Variants in KIRREL3 observed in about 807,000 individuals in gnomAD.
The protein encoded by KIRREL3 is kirre like nephrin family adhesion molecule 3.
In KIRREL3, 36 loss-of-function variants were observed where a neutral mutation model predicts 89.7. That is an observed-to-expected ratio of 0.40 (90% CI 0.31 to 0.53). KIRREL3 has a LOEUF of 0.53. Ranked by LOEUF, KIRREL3 falls within the 20% of genes least tolerant of loss-of-function variation. The pLI, the probability that KIRREL3 is intolerant of heterozygous loss-of-function variation, is 0.49. For missense variants in KIRREL3, 864 were observed against 1,056.6 expected, an observed-to-expected ratio of 0.82 and a Z score of 2.53; for synonymous variants, 445 against 441.4, an observed-to-expected ratio of 1.01 and a Z score of -0.10.
intron 1 of KIRREL3, among the ~76,000 whole-genome samples, chr11:126,803,405 T>C: frequency 6.6e-6 from 1 of 152,292 alleles, no homozygotes; most frequent in Non-Finnish European, 1.5e-5. Context: ...CCTAGTCGCA[T>C]GAGGACTGGG....
intron 2 of KIRREL3, among the ~76,000 whole-genome samples, chr11:126,529,126 C>T (rs964213488): frequency 9.2e-5 from 14 of 152,116 alleles, no homozygotes; most frequent in African/African-American, 3.1e-4. Flanking sequence ...GTAACCGTCC[C>T]GGTCTCTCCC....
chr11:126,667,530 G>A (rs1945718635), intron 1 of KIRREL3, among the ~76,000 whole-genome samples: 1 of 152,200 alleles, frequency 6.6e-6, no homozygotes, highest in Non-Finnish European at 1.5e-5. Context: ...AGAATAGGGA[G>A]AGAAGGGCTG....
chr11:126,544,780 G>A lies in KIRREL3; in HGVS notation c.133+18055C>T, dbSNP rs768967523. Reference sequence around the variant, plus strand: ...AAGCCCTTTCTTCTCTTGCAAGTCCGTTGCTGCCTGGGAAGCAGCCATTCC... The same window carrying A: ...AAGCCCTTTCTTCTCTTGCAAGTCCATTGCTGCCTGGGAAGCAGCCATTCC... On this transcript the variant is annotated intron_variant, in intron 2 of 16. Coordinates refer to ENST00000525144, the MANE Select transcript of KIRREL3 (RefSeq NM_032531.4). The surrounding 1 kb of genome is among the most constrained non-coding windows in gnomAD (Gnocchi z 5.6). Among the ~76,000 whole-genome samples, 15 of 152,272 alleles carry A rather than the reference G, an allele frequency of 9.9e-5. No individual in the cohort carries two copies. The highest frequency in any genetic ancestry group is 2.4e-4 in the African/African-American group (10 of 41,556).
chr11:126,641,287 G>A lies in KIRREL3; in HGVS notation c.56-78375C>T, dbSNP rs958562365. Among the ~76,000 whole-genome samples, 4 of 151,736 alleles carry A rather than the reference G, an allele frequency of 2.6e-5. No homozygotes were observed. The highest frequency in any genetic ancestry group is 2.1e-4 in the South Asian group (1 of 4,814). On this transcript the variant is annotated intron_variant, in intron 1 of 16. Coordinates refer to ENST00000525144, the MANE Select transcript of KIRREL3 (RefSeq NM_032531.4). This position sits in a 1 kb window ranked among gnomAD's most constrained non-coding sequence, Gnocchi z 5.0. Reference sequence around the variant, plus strand: ...ACTTCCTCTGCTACTTTCTTGGCCCGAGCCTCATCACTTGTTGCTCAGATG... The same window carrying A: ...ACTTCCTCTGCTACTTTCTTGGCCCAAGCCTCATCACTTGTTGCTCAGATG...
intron 1 of KIRREL3, among the ~76,000 whole-genome samples, chr11:126,794,313 A>C (rs989345008): frequency 6.6e-6 from 1 of 152,194 alleles, no homozygotes; most frequent in Non-Finnish European, 1.5e-5. Context: ...TTCCCTGCAC[A>C]GTATTTTCTG....
intron 1 of KIRREL3, among the ~76,000 whole-genome samples, chr11:126,589,084 T>C (rs1942012750): frequency 6.6e-6 from 1 of 152,242 alleles, no homozygotes; most frequent in South Asian, 2.1e-4. Context: ...TCCAGCAACC[T>C]GAGGAAATGC....
At position 126,782,519 on chromosome 11, in the gene KIRREL3, T is replaced by A. The variant is rs1287181464; in HGVS notation, c.55+217936A>T. Among the ~76,000 whole-genome samples, 1 of 152,210 alleles carries A rather than the reference T, an allele frequency of 6.6e-6. No individual in the cohort carries two copies. The highest frequency in any genetic ancestry group is 1.5e-5 in the Non-Finnish European group (1 of 68,044). On this transcript the variant is annotated intron_variant, in intron 1 of 16. Transcript: ENST00000525144. This position sits in a 1 kb window ranked among gnomAD's most constrained non-coding sequence, Gnocchi z 4.1. ...GGGTGCCACTAGCTGATTTAGCGAC[T>A]TTTGTATTAATTCAGAAAAGAAATT...
chr11:126,912,412 C>A lies in KIRREL3; in HGVS notation c.55+88043G>T, dbSNP rs1946861256. Among the ~76,000 whole-genome samples the A allele has an allele frequency of 6.6e-6, 1 of 152,178 alleles. No individual in the cohort carries two copies. Among genetic ancestry groups the A allele is most frequent in the African/African-American group, 2.4e-5 (1 of 41,434 alleles). On this transcript the variant is annotated intron_variant, in intron 1 of 16. Transcript: ENST00000525144. This position sits in a 1 kb window ranked among gnomAD's most constrained non-coding sequence, Gnocchi z 4.7. The stretch of plus-strand genomic sequence containing the variant: ...TGGTAATTCTTCACTTCTCTCCACA[C>A]TAATTACCCCTTTCCATCTCACATT...
chr11:126,445,223 G>T, intron 9 of KIRREL3, 118 bp from the exon 10 acceptor site: 2 of 1,329,470 alleles, frequency 1.5e-6, no homozygotes, highest in Non-Finnish European at 2.1e-6. Flanking sequence ...CGGCATCTCA[G>T]TAGGAAGCAA....
Position 126,575,933 on chromosome 11 carries a change from A to G in KIRREL3, c.56-13021T>C, listed in dbSNP as rs7130053. On this transcript the variant is annotated intron_variant, in intron 1 of 16. Coordinates refer to ENST00000525144, the MANE Select transcript of KIRREL3 (RefSeq NM_032531.4). The surrounding 1 kb of genome is among the most constrained non-coding windows in gnomAD (Gnocchi z 7.0). ...CTTATTCATACCTCTTCATTCATTC[A>G]TACCTTTGCTATGAGACTCCCTTAT... Among the ~76,000 whole-genome samples the G allele has an allele frequency of 0.018, 2,774 of 152,140 alleles. 73 individuals carry two copies. The highest frequency in any genetic ancestry group is 0.063 in the African/African-American group (2,598 of 41,472).
rs988298559 is a variant in KIRREL3, at chr11:126,501,431, G to A, written c.433+19884C>T. Among the ~76,000 whole-genome samples the A allele has an allele frequency of 6.6e-6, 1 of 152,198 alleles. No individual in the cohort carries two copies. Among genetic ancestry groups the A allele is most frequent in the African/African-American group, 2.4e-5 (1 of 41,446 alleles). On this transcript the variant is annotated intron_variant, in intron 4 of 16. Coordinates refer to ENST00000525144, the MANE Select transcript of KIRREL3 (RefSeq NM_032531.4). This position sits in a 1 kb window ranked among gnomAD's most constrained non-coding sequence, Gnocchi z 5.8. ...AAGGAGGCTCCTCTGGGGAGCGAGG[G>A]TGCCCAGGTGGGGAAGGCAGAGCGC... is the stretch of plus-strand genomic sequence containing the variant.
At chr11:126,800,445 G>A (rs1365690075) in intron 1 of KIRREL3, among the ~76,000 whole-genome samples, 1 of 152,094 alleles carries the variant, frequency 6.6e-6, no homozygotes, top group Non-Finnish European at 1.5e-5. Context: ...GTCTCATTAG[G>A]GCATTAGCAT....
At chr11:126,910,022 G>T (rs542705710) in intron 1 of KIRREL3, among the ~76,000 whole-genome samples, 36 of 152,268 alleles carry the variant, frequency 2.4e-4, no homozygotes, top group African/African-American at 6.5e-4. Context: ...AAACATTTCA[G>T]AGTCATTAAA....
intron 1 of KIRREL3, among the ~76,000 whole-genome samples, chr11:126,649,791 C>T (rs2134966666): frequency 6.6e-6 from 1 of 152,292 alleles, no homozygotes; most frequent in East Asian, 1.9e-4. Flanking sequence ...GGGCGATGGC[C>T]CTCCTCTCAC....
Position 126,904,660 on chromosome 11 carries a change from T to A in KIRREL3, c.55+95795A>T, listed in dbSNP as rs1024975823. On this transcript the variant is annotated intron_variant, in intron 1 of 16. Transcript: ENST00000525144. The surrounding 1 kb of genome is among the most constrained non-coding windows in gnomAD (Gnocchi z 4.4). ...CTGTTCTTACTTATACCAAGAACAA[T>A]CTGTCTCCTGCTACAGTTTAGCACA... Among the ~76,000 whole-genome samples, 1 of 152,218 alleles carries A rather than the reference T, an allele frequency of 6.6e-6. No individual in the cohort carries two copies. Among genetic ancestry groups the A allele is most frequent in the Non-Finnish European group, 1.5e-5 (1 of 68,028 alleles).
At position 126,471,059 on chromosome 11, in the gene KIRREL3, T is replaced by C. The variant is rs969503060; in HGVS notation, c.591+2250A>G. Among the ~76,000 whole-genome samples the C allele has an allele frequency of 6.6e-6, 1 of 152,120 alleles. No individual in the cohort carries two copies. Among genetic ancestry groups the C allele is most frequent in the African/African-American group, 2.4e-5 (1 of 41,404 alleles). ...CCAACAGATCAGGAGACAACTGCCG[T>C]TGAAAAGACAGTTTGCGGCCGGGCG... On this transcript the variant is annotated intron_variant, in intron 5 of 16. Transcript: ENST00000525144. The surrounding 1 kb of genome is among the most constrained non-coding windows in gnomAD (Gnocchi z 5.4).
intron 1 of KIRREL3, among the ~76,000 whole-genome samples, chr11:126,927,003 T>C (rs751273525): frequency 2.0e-5 from 3 of 152,222 alleles, no homozygotes; most frequent in Non-Finnish European, 4.4e-5. Context: ...AGCTAAGGCA[T>C]GATGCAGGCA....
rs1359543583 is a variant in KIRREL3 at position 126,432,982 on chromosome 11, G to A, written c.1589-1456C>T. On this transcript the variant is annotated intron_variant, in intron 13 of 16. Transcript: ENST00000525144. This position sits in a 1 kb window ranked among gnomAD's most constrained non-coding sequence, Gnocchi z 6.2. ...CAACCTCCGCCTCCTGGGTTCAAGC[G>A]ATTCTCCTGCCTCAGTCTCCCGAAT... Among the ~76,000 whole-genome samples, 4 of 152,192 alleles carry A rather than the reference G, an allele frequency of 2.6e-5. No individual in the cohort carries two copies. Among genetic ancestry groups the A allele is most frequent in the Admixed American group, 2.6e-4 (4 of 15,288 alleles).
chr11:126,874,971 G>A lies in KIRREL3; in HGVS notation c.55+125484C>T, dbSNP rs183121710. Among the ~76,000 whole-genome samples the A allele has an allele frequency of 9.7e-4, 148 of 152,248 alleles. 3 individuals carry two copies. In the South Asian group the frequency reaches 0.029, roughly 29 times the overall value. On this transcript the variant is annotated intron_variant, in intron 1 of 16. Coordinates refer to ENST00000525144, the MANE Select transcript of KIRREL3 (RefSeq NM_032531.4). ...CCCCTGTGTCTCACTGCCCTAAATC[G>A]GGAGAGGTCTGTGTCTGCCCCTTCC...
Sources: gnomAD v4.1 joint callset for allele counts (sites outside exome capture counted in the v4.1 genomes callset) on GRCh38, gnomAD v4.1.1 for gene constraint, Gnocchi (gnomAD v3.1) non-coding constraint, MANE v1.5 for transcripts, NCBI Gene and HGNC (gene_info 2026-07-23, HGNC 2026-07-21) for gene names.